GSE1: variants seen among roughly 807,000 people sequenced by gnomAD.
GSE1 encodes Gse1 coiled-coil protein.
In GSE1, 32 loss-of-function variants were observed where a neutral mutation model predicts 112.6. The observed-to-expected ratio is 0.28, with a 90% CI of 0.21 to 0.38. GSE1 has a LOEUF of 0.38. Among genes scored for constraint, GSE1 ranks in the 10% least tolerant of loss-of-function variants. The pLI, the probability that GSE1 is intolerant of heterozygous loss-of-function variation, is 1.00. For synonymous variants in GSE1, 1,115 were observed against 735.6 expected (o/e 1.52, Z -8.35); for missense variants, 2,348 against 1,699.2 (o/e 1.38, Z -6.71).
chr16:85,318,932 T>C (rs2151495106), intron 1 of GSE1, among the ~76,000 whole-genome samples: 1 of 152,284 alleles, frequency 6.6e-6, no homozygotes, highest in Admixed American at 6.5e-5. Context: ...GATGAGGCAG[T>C]GTTTAAGGCG....
intron 2 of GSE1, among the ~76,000 whole-genome samples, chr16:85,636,390 C>T (rs898472752): frequency 3.9e-5 from 6 of 152,184 alleles, no homozygotes; most frequent in East Asian, 3.8e-4. Context: ...CCTGGGCCCT[C>T]GTCGCCCCCA....
At chr16:85,635,488 T>C (rs1432741561) in intron 2 of GSE1, among the ~76,000 whole-genome samples, 2 of 147,610 alleles carry the variant, frequency 1.4e-5, no homozygotes, top group African/African-American at 5.0e-5. Flanking sequence ...ACTGCCTGCC[T>C]GGTGGAGGCA....
intron 2 of GSE1, among the ~76,000 whole-genome samples, chr16:85,395,780 C>T (rs1449807878): frequency 2.0e-5 from 3 of 152,206 alleles, no homozygotes; most frequent in African/African-American, 7.2e-5. Context: ...CTCCTCCCGC[C>T]GGCTTCCTCC....
At chr16:85,455,674 G>C (rs1410320910) in intron 2 of GSE1, among the ~76,000 whole-genome samples, 1 of 152,216 alleles carries the variant, frequency 6.6e-6, no homozygotes, top group Non-Finnish European at 1.5e-5. Context: ...AGCCTGGCGC[G>C]CTGCAAGCTG....
intron 1 of GSE1, among the ~76,000 whole-genome samples, chr16:85,598,949 A>G (rs568996993): frequency 6.6e-6 from 1 of 152,376 alleles, no homozygotes; most frequent in East Asian, 1.9e-4. Context: ...GAAACTGCCA[A>G]GCCACAGGCC....
chr16:85,537,067 G>C (rs1454148387), intron 2 of GSE1, among the ~76,000 whole-genome samples: 1 of 152,208 alleles, frequency 6.6e-6, no homozygotes, highest in Non-Finnish European at 1.5e-5. Context: ...GCCCAGGAAG[G>C]CTCCAGTGAA....
At position 85,274,881 on chromosome 16, in the gene GSE1, A is replaced by G. The variant is rs78318534; in HGVS notation, c.2284-82582A>G. On this transcript the variant is annotated intron_variant, in intron 1 of 2. Transcript: ENST00000637419. ...GCTCAGTCCTGGACCCTGCAGATGC[A>G]TGTGGGGCCTGGCCCTCACTGCCCC... 8.3e-3 allele frequency among the ~76,000 whole-genome samples: 1,266 copies of G among 152,360 alleles called. 22 individuals are homozygous for G. The highest frequency in any genetic ancestry group is 0.029 in the African/African-American group (1,213 of 41,586).
chr16:85,498,923 C>T (rs981481222), intron 2 of GSE1, among the ~76,000 whole-genome samples: 13 of 152,242 alleles, frequency 8.5e-5, no homozygotes. Context: ...CCGTGAGCGG[C>T]ATTGCACAGA....
Position 85,617,016 on chromosome 16 carries a change from C to T in GSE1, c.7+3618C>T, listed in dbSNP as rs116835933. Among the ~76,000 whole-genome samples the T allele has an allele frequency of 3.3e-3, 505 of 152,310 alleles. 5 individuals carry two copies. The highest frequency in any genetic ancestry group is 0.011 in the African/African-American group (476 of 41,560). ...GATTCCCCACCAGCCTCTTCTCTCA[C>T]GCCCTCAGCTCCAGCCAGACGAAAC... On this transcript the variant is annotated intron_variant, in intron 1 of 15. Transcript: ENST00000253458.
At chr16:85,250,755 C>T (rs1906381418) in intron 1 of GSE1, among the ~76,000 whole-genome samples, 1 of 152,136 alleles carries the variant, frequency 6.6e-6, no homozygotes, top group Admixed American at 6.5e-5. Flanking sequence ...GTGCAACCAT[C>T]ACCACTATCT....
intron 2 of GSE1, among the ~76,000 whole-genome samples, chr16:85,383,502 C>CACAT (rs1215981118): frequency 6.6e-6 from 1 of 150,684 alleles, no homozygotes; most frequent in East Asian, 2.0e-4. Flanking sequence ...TCCCAGCACA[C>CACAT]ACACACACAC....
intron 2 of GSE1, among the ~76,000 whole-genome samples, chr16:85,430,161 G>A (rs1427335374): frequency 1.3e-5 from 2 of 152,230 alleles, no homozygotes; most frequent in Admixed American, 6.5e-5. Context: ...GGCGAGGCTA[G>A]GAACGTTGCC....
In GSE1 at chr16:85,524,747, G is replaced by A. The variant is rs997960738; in HGVS notation, c.2465-109167G>A. On this transcript the variant is annotated intron_variant, in intron 2 of 2. Coordinates refer to the GSE1 transcript ENST00000637419. Reference sequence around the variant, plus strand: ...GCACCGGGGCCAGTCAACTTCCCCCGAGGGGCATCTGATGGCCTCATCACA... The same window carrying A: ...GCACCGGGGCCAGTCAACTTCCCCCAAGGGGCATCTGATGGCCTCATCACA... Among the ~76,000 whole-genome samples the A allele has an allele frequency of 3.9e-4, 59 of 152,256 alleles. 1 individual carries two copies. Among genetic ancestry groups the A allele is most frequent in the African/African-American group, 1.4e-3 (59 of 41,548 alleles).
At chr16:85,172,883 C>T (rs942138166) in intron 1 of GSE1, among the ~76,000 whole-genome samples, 12 of 152,212 alleles carry the variant, frequency 7.9e-5, no homozygotes, top group Admixed American at 2.0e-4. Flanking sequence ...TGGCTGCACC[C>T]GGGAAGTGCG....
At chr16:85,584,806 C>T (rs889408992) in intron 1 of GSE1, among the ~76,000 whole-genome samples, 14 of 152,148 alleles carry the variant, frequency 9.2e-5, no homozygotes, top group Admixed American at 7.2e-4. Flanking sequence ...GGGAGCAGCA[C>T]GGCTGAGCAG....
At chr16:85,616,488 G>A (rs548048766) in intron 1 of GSE1, among the ~76,000 whole-genome samples, 13 of 152,302 alleles carry the variant, frequency 8.5e-5, no homozygotes, top group African/African-American at 2.4e-4. Context: ...CCCTGGGATC[G>A]GGCCAGGGTT....
intron 2 of GSE1, among the ~76,000 whole-genome samples, chr16:85,641,309 G>C (rs374833918): frequency 1.3e-5 from 2 of 152,258 alleles, no homozygotes; most frequent in African/African-American, 4.8e-5. Context: ...CACATAATCC[G>C]CCCCCGGCAA....
intron 2 of GSE1, among the ~76,000 whole-genome samples, chr16:85,488,305 C>T (rs897515081): frequency 5.3e-5 from 8 of 152,138 alleles, no homozygotes; most frequent in East Asian, 3.8e-4. Context: ...TGCCCGCCTC[C>T]GTTTATTAAG....
chr16:85,591,577 C>T (rs2047004320), intron 1 of GSE1, among the ~76,000 whole-genome samples: 1 of 152,190 alleles, frequency 6.6e-6, no homozygotes, highest in African/African-American at 2.4e-5. Context: ...GTCGGCAGTG[C>T]CCCCCGTGGC....
Sources: allele counts gnomAD v4.1 joint callset (sites outside exome capture counted in the v4.1 genomes callset), GRCh38; gene constraint gnomAD v4.1.1; transcripts MANE v1.5; gene names NCBI Gene and HGNC (gene_info 2026-07-23, HGNC 2026-07-21).